Variants in CD248 observed in about 807,000 individuals in gnomAD.
CD248 encodes endosialin.
CD248 carries 7 observed loss-of-function variants against 8.0 expected under a neutral mutation model. The observed-to-expected ratio is 0.88, with a 90% CI of 0.50 to 1.64. CD248 has a LOEUF of 1.64. Ranked by LOEUF, CD248 falls within the 40% of genes most tolerant of loss-of-function variation. CD248 has a pLI of 0.00. For synonymous variants in CD248, 418 were observed against 437.1 expected (o/e 0.96, Z 0.54); for missense variants, 912 against 1,027.2 (o/e 0.89, Z 1.53).
Position 66,316,618 on chromosome 11 carries a change from C to T in CD248, c.410G>A (p.Ser137Asn), listed in dbSNP as rs1216216283. Residue 137 changes from serine to asparagine, a missense_variant, in exon 1 of 1, where the codon AGT (serine) becomes AAT (asparagine). Coordinates refer to ENST00000311330, the MANE Select transcript of CD248 (RefSeq NM_020404.3). ...GCCCTCCAGCCAGCGGTGCTCGCCA[C>T]TTGCCTCCAGGGCCACACAGCGCTG... The part of the protein sequence containing the change: ...PAQRCVALEA[S>N]GEHRWLEGSC... 2 of 1,602,718 alleles carry T rather than the reference C, an allele frequency of 1.2e-6. No homozygotes were observed. Among genetic ancestry groups the T allele is most frequent in the Non-Finnish European group, 1.7e-6 (2 of 1,178,856 alleles).
Position 66,316,411 on chromosome 11 carries a change from C to A in CD248, c.617G>T (p.Gly206Val). 1.2e-6 allele frequency: 2 copies of A among 1,606,632 alleles called. No homozygotes were observed. ...GSVAAVQCQAGRGASLLCVKQ... is the reference protein window; with the variant it reads ...GSVAAVQCQAVRGASLLCVKQ... The stretch of plus-strand genomic sequence containing the variant: ...CACGCAGAGCAGAGAGGCTCCCCTG[C>A]CAGCCTGGCACTGCACAGCGGCCAC... Residue 206 changes from glycine to valine, a missense_variant, in exon 1 of 1, where the codon GGC becomes GTC. Physicochemically the swap from Gly to Val is moderately radical, Grantham distance 109. Coordinates refer to ENST00000311330, the MANE Select transcript of CD248 (RefSeq NM_020404.3).
chr11:66,314,744 C>T lies in CD248; in HGVS notation c.*10G>A. The T allele has an allele frequency of 6.5e-7, 1 of 1,542,842 alleles. No homozygotes were observed. The highest frequency in any genetic ancestry group is 8.8e-7 in the Non-Finnish European group (1 of 1,142,006). The stretch of plus-strand genomic sequence containing the variant: ...GCGCCCCATACTCCATGAGGGGGGT[C>T]TGCACCCCATCACACGCTGGTTCTG... On this transcript the variant is annotated 3_prime_UTR_variant, in exon 1 of 1. Coordinates refer to ENST00000311330, the MANE Select transcript of CD248 (RefSeq NM_020404.3). The surrounding 1 kb of genome is among the most constrained non-coding windows in gnomAD (Gnocchi z 4.0).
In CD248 at chr11:66,316,590, C is replaced by T. The variant is rs776771691; in HGVS notation, c.438G>A (p.Ser146=). 27 of 1,601,482 alleles carry T rather than the reference C, an allele frequency of 1.7e-5. 2 individuals are homozygous for T. In the South Asian group the frequency reaches 2.3e-4, roughly 14 times the overall value. Residue 146 remains serine, a synonymous_variant, in exon 1 of 1, where the codon TCG becomes TCA. Transcript: ENST00000311330. ...GGTAGCCGTCGACAGCCAGCGTGCACGAGCCCTCCAGCCAGCGGTGCTCGC... is the reference window on the plus strand; with the variant it reads ...GGTAGCCGTCGACAGCCAGCGTGCATGAGCCCTCCAGCCAGCGGTGCTCGC... ...ASGEHRWLEG[S]CTLAVDGYLC...
In CD248 at chr11:66,316,456, T is replaced by C; in HGVS notation, c.572A>G (p.Glu191Gly). 1 of 1,601,148 alleles carries C rather than the reference T, an allele frequency of 6.2e-7. No homozygotes were observed. ...TPFHLVSTEF[E>G]WLPFGSVAAV... ...GGCCACAGAGCCGAAGGGCAGCCAC[T>C]CAAACTCTGTGGAGACCAGGTGGAA... is the stretch of plus-strand genomic sequence containing the variant. Residue 191 changes from glutamate (E) to glycine (G), a missense_variant, in exon 1 of 1, where the codon GAG (glutamate) becomes GGG (glycine). Physicochemically the swap from Glu to Gly is moderately conservative, Grantham distance 98. This residue lies in a region of CD248 where 403 missense variants were observed against 446.2 expected (regional missense o/e 0.90). Coordinates refer to ENST00000311330, the MANE Select transcript of CD248 (RefSeq NM_020404.3).
rs1217493364 is a variant in CD248 at position 66,314,550 on chromosome 11, A to C, written c.*204T>G. ...CCCAGCACCCGCCCCCTGAGGTCTT[A>C]AGGGCTTTGGTGTATCCTTGGTCAC... On this transcript the variant is annotated 3_prime_UTR_variant, in exon 1 of 1. Coordinates refer to ENST00000311330, the MANE Select transcript of CD248 (RefSeq NM_020404.3). This position sits in a 1 kb window ranked among gnomAD's most constrained non-coding sequence, Gnocchi z 4.0. The C allele has an allele frequency of 1.3e-5, 7 of 556,968 alleles. No individual in the cohort carries two copies. The Admixed American group carries it at 2.1e-4, about 17-fold the overall frequency. 34.5% of individuals were successfully genotyped at this position (556,968 alleles called of 1,614,324 possible).
In CD248 at chr11:66,316,169, C is replaced by T. The variant is rs374192163; in HGVS notation, c.859G>A (p.Gly287Ser). 1.3e-4 allele frequency: 212 copies of T among 1,612,220 alleles called. No individual in the cohort carries two copies. The highest frequency in any genetic ancestry group is 1.7e-4 in the Non-Finnish European group (198 of 1,179,958). The change falls in exon 1 of 1, where the codon GGT becomes AGT. Residue 287 changes from glycine to serine, a missense_variant. Gly to Ser is a moderately conservative substitution (Grantham distance 56). Around this residue, in one of 3 missense-constraint regions of CD248, gnomAD observed 403 missense variants for 446.2 expected, o/e 0.90. Coordinates refer to ENST00000311330, the MANE Select transcript of CD248 (RefSeq NM_020404.3). The part of the protein sequence containing the change: ...QAPCEQQCEP[G>S]GPQGYSCHCR... ...TGGCAGCTGTAGCCTTGTGGCCCACCGGGCTCACACTGCTGCTCGCACGGA... is the reference window on the plus strand; with the variant it reads ...TGGCAGCTGTAGCCTTGTGGCCCACTGGGCTCACACTGCTGCTCGCACGGA...
Position 66,315,833 on chromosome 11 carries a change from C to G in CD248, c.1195G>C (p.Glu399Gln). The G allele has an allele frequency of 6.2e-7, 1 of 1,613,998 alleles. No homozygotes were observed. The highest frequency in any genetic ancestry group is 1.3e-5 in the African/African-American group (1 of 75,014). Residue 399 changes from glutamate to glutamine, a missense_variant, in exon 1 of 1, where the codon GAG (glutamate) becomes CAG (glutamine). Transcript: ENST00000311330. The surrounding 1 kb of genome is among the most constrained non-coding windows in gnomAD (Gnocchi z 4.3). ...WTEMPGILWM[E>Q]PTQPPDFALA... is the part of the protein sequence containing the mutation. Reference sequence around the variant, plus strand: ...GCAAAGTCAGGCGGCTGCGTAGGCTCCATCCACAGGATCCCAGGCATCTCC... The same window carrying G: ...GCAAAGTCAGGCGGCTGCGTAGGCTGCATCCACAGGATCCCAGGCATCTCC...
chr11:66,315,134 G>A lies in CD248; in HGVS notation c.1894C>T (p.Pro632Ser), dbSNP rs760745191. 2 of 1,540,846 alleles carry A rather than the reference G, an allele frequency of 1.3e-6. No homozygotes were observed. Among genetic ancestry groups the A allele is most frequent in the East Asian group, 2.3e-5 (1 of 44,294 alleles). ...PSQSPTNQTS[P>S]ISPTHPHSKA... is the part of the protein sequence containing the mutation. ...GAATGGGGATGTGTAGGGCTGATGG[G>A]TGAGGTCTGGTTAGTGGGGCTCTGA... Residue 632 changes from proline (P) to serine (S), a missense_variant, in exon 1 of 1, where the codon CCC becomes TCC. Pro to Ser is a moderately conservative substitution (Grantham distance 74). Around this residue, in one of 3 missense-constraint regions of CD248, gnomAD observed 507 missense variants for 562.2 expected, o/e 0.90. Transcript: ENST00000311330. This position sits in a 1 kb window ranked among gnomAD's most constrained non-coding sequence, Gnocchi z 4.3.
rs1446104380 is a variant in CD248, at chr11:66,315,026, G to T, written c.2002C>A (p.Pro668Thr). Residue 668 changes from proline (P) to threonine (T), a missense_variant, in exon 1 of 1, where the codon CCA (proline) becomes ACA (threonine). Pro to Thr is a conservative substitution (Grantham distance 38). Around this residue, in one of 3 missense-constraint regions of CD248, gnomAD observed 507 missense variants for 562.2 expected, o/e 0.90. Coordinates refer to ENST00000311330, the MANE Select transcript of CD248 (RefSeq NM_020404.3). The surrounding 1 kb of genome is among the most constrained non-coding windows in gnomAD (Gnocchi z 4.3). ...WLPSPAPTAA[P>T]TALGEAGLAE... is the part of the protein sequence containing the mutation. ...AGACCAGCCTCCCCCAGGGCTGTTG[G>T]GGCTGCTGTGGGAGCTGGTGAGGGC... is the stretch of plus-strand genomic sequence containing the variant. 1.9e-6 allele frequency: 3 copies of T among 1,598,872 alleles called. No homozygotes were observed. The highest frequency in any genetic ancestry group is 2.6e-6 in the Non-Finnish European group (3 of 1,171,126).
Position 66,315,680 on chromosome 11 carries a change from G to A in CD248, c.1348C>T (p.Pro450Ser), listed in dbSNP as rs766529516. 8 of 1,613,540 alleles carry A rather than the reference G, an allele frequency of 5.0e-6. No homozygotes were observed. In the Admixed American group the frequency reaches 6.7e-5, roughly 13 times the overall value. The change falls in exon 1 of 1, where the codon CCT (proline) becomes TCT (serine). Residue 450 changes from proline (P) to serine (S), a missense_variant. Transcript: ENST00000311330. The surrounding 1 kb of genome is among the most constrained non-coding windows in gnomAD (Gnocchi z 4.3). ...YHSSVLSVTR[P>S]VVVSATHPTL... The stretch of plus-strand genomic sequence containing the variant: ...GGATGCGTGGCAGAGACCACCACAG[G>A]CCGGGTGACGGAGAGCACTGAGGAG...
chr11:66,314,893 C>T lies in CD248; in HGVS notation c.2135G>A (p.Arg712His), dbSNP rs967165473. 4.3e-6 allele frequency: 7 copies of T among 1,611,614 alleles called. No individual in the cohort carries two copies. The highest frequency in any genetic ancestry group is 3.3e-4 in the Middle Eastern group (2 of 6,078). ...LLALGIVYCT[R>H]CGPHAPNKRI... ...CTTGTTGGGTGCATGGGGGCCACAG[C>T]GGGTGCAGTACACGATGCCCAGTGC... The change falls in exon 1 of 1, where the codon CGC becomes CAC. Residue 712 changes from arginine (R) to histidine (H), a missense_variant. Arg to His is a conservative substitution (Grantham distance 29, BLOSUM62 0). Around this residue, in one of 3 missense-constraint regions of CD248, gnomAD observed 507 missense variants for 562.2 expected, o/e 0.90. Transcript: ENST00000311330. The surrounding 1 kb of genome is among the most constrained non-coding windows in gnomAD (Gnocchi z 4.0).
In CD248 at chr11:66,316,809, C is replaced by G; in HGVS notation, c.219G>C (p.Leu73=). 2 of 1,584,292 alleles carry G rather than the reference C, an allele frequency of 1.3e-6. No homozygotes were observed. The highest frequency in any genetic ancestry group is 8.5e-7 in the Non-Finnish European group (1 of 1,172,286). ...TPEEAQRVDS[L]VGAGPASRLL... ...GCCGGCTGGCTGGGCCCGCACCCAC[C>G]AGGCTGTCCACACGCTGGGCCTCCT... The change falls in exon 1 of 1, where the codon CTG becomes CTC. Residue 73 remains leucine, a synonymous_variant. Transcript: ENST00000311330.
In CD248 at chr11:66,316,413, A is replaced by G. The variant is rs763471623; in HGVS notation, c.615T>C (p.Ala205=). 8.7e-6 allele frequency: 14 copies of G among 1,606,358 alleles called. No individual in the cohort carries two copies. The highest frequency in any genetic ancestry group is 1.1e-5 in the Non-Finnish European group (13 of 1,179,798). The change falls in exon 1 of 1, where the codon GCT becomes GCC. Residue 205 remains alanine (A), a synonymous_variant. Transcript: ENST00000311330. The part of the protein sequence containing the change: ...FGSVAAVQCQ[A]GRGASLLCVK... ...CGCAGAGCAGAGAGGCTCCCCTGCC[A>G]GCCTGGCACTGCACAGCGGCCACAG... is the stretch of plus-strand genomic sequence containing the variant.
rs756651069 is a variant in CD248 at position 66,317,029 on chromosome 11, G to A, written c.-2C>T. 6 of 1,445,670 alleles carry A rather than the reference G, an allele frequency of 4.2e-6. No homozygotes were observed. In the East Asian group the frequency reaches 8.3e-5, roughly 20 times the overall value. The allele number at this position is 1,445,670 out of a possible 1,614,324, so 89.6% of individuals were successfully genotyped here. On this transcript the variant is annotated 5_prime_UTR_variant, in exon 1 of 1. Coordinates refer to ENST00000311330, the MANE Select transcript of CD248 (RefSeq NM_020404.3). Reference sequence around the variant, plus strand: ...GGCCAGCAACAGGCGCAGCAGCATCGCGATGCCCCCGGACTGGTCCGGCCC... The same window carrying A: ...GGCCAGCAACAGGCGCAGCAGCATCACGATGCCCCCGGACTGGTCCGGCCC...
rs1388103078 is a variant in CD248 at position 66,317,041 on chromosome 11, G to A, written c.-14C>T. On this transcript the variant is annotated 5_prime_UTR_variant, in exon 1 of 1. Coordinates refer to ENST00000311330, the MANE Select transcript of CD248 (RefSeq NM_020404.3). Reference sequence around the variant, plus strand: ...GCGCAGCAGCATCGCGATGCCCCCGGACTGGTCCGGCCCCGGGCTGGCGGC... The same window carrying A: ...GCGCAGCAGCATCGCGATGCCCCCGAACTGGTCCGGCCCCGGGCTGGCGGC... The A allele has an allele frequency of 1.7e-5, 24 of 1,399,700 alleles. 1 individual carries two copies. Among genetic ancestry groups the A allele is most frequent in the African/African-American group, 1.5e-4 (10 of 66,046 alleles). 86.7% of individuals were successfully genotyped at this position (1,399,700 alleles called of 1,614,324 possible).
rs1198897236 is a variant in CD248, at chr11:66,316,170, G to A, written c.858C>T (p.Pro286=). 3.1e-6 allele frequency: 5 copies of A among 1,612,124 alleles called. No individual in the cohort carries two copies. The highest frequency in any genetic ancestry group is 3.3e-5 in the Admixed American group (2 of 59,966). The part of the protein sequence containing the change: ...AQAPCEQQCE[P]GGPQGYSCHC... ...GGCAGCTGTAGCCTTGTGGCCCACC[G>A]GGCTCACACTGCTGCTCGCACGGAG... Residue 286 remains proline, a synonymous_variant, in exon 1 of 1, where the codon CCC becomes CCT. Coordinates refer to ENST00000311330, the MANE Select transcript of CD248 (RefSeq NM_020404.3).
rs778244010 is a variant in CD248, at chr11:66,316,734, G to T, written c.294C>A (p.Arg98=). ...TGGTCCACGTGAAGCCGCGCAGTGGGCGCTGCAGCTGGCATTGCCGGGCCT... is the reference window on the plus strand; with the variant it reads ...TGGTCCACGTGAAGCCGCGCAGTGGTCGCTGCAGCTGGCATTGCCGGGCCT... ...QRQARQCQLQ[R]PLRGFTWTTG... Residue 98 remains arginine (R), a synonymous_variant, in exon 1 of 1, where the codon CGC becomes CGA. Coordinates refer to ENST00000311330, the MANE Select transcript of CD248 (RefSeq NM_020404.3). The T allele has an allele frequency of 6.2e-7, 1 of 1,603,844 alleles. No individual in the cohort carries two copies. Among genetic ancestry groups the T allele is most frequent in the Non-Finnish European group, 8.5e-7 (1 of 1,179,420 alleles).
chr11:66,315,712 G>A lies in CD248; in HGVS notation c.1316C>T (p.Pro439Leu), dbSNP rs745603367. Reference sequence around the variant, plus strand: ...GACGGAGAGCACTGAGGAGTGGTAGGGGACCCTGGGGGCACTGAGCGGGGG... The same window carrying A: ...GACGGAGAGCACTGAGGAGTGGTAGAGGACCCTGGGGGCACTGAGCGGGGG... ...WPPPLSAPRV[P>L]YHSSVLSVTR... The change falls in exon 1 of 1, where the codon CCC (proline) becomes CTC (leucine). Residue 439 changes from proline to leucine, a missense_variant. Coordinates refer to ENST00000311330, the MANE Select transcript of CD248 (RefSeq NM_020404.3). The surrounding 1 kb of genome is among the most constrained non-coding windows in gnomAD (Gnocchi z 4.3). 8 of 1,611,808 alleles carry A rather than the reference G, an allele frequency of 5.0e-6. No homozygotes were observed. The highest frequency in any genetic ancestry group is 6.8e-6 in the Non-Finnish European group (8 of 1,178,472).
chr11:66,315,080 C>T lies in CD248; in HGVS notation c.1948G>A (p.Gly650Ser). Residue 650 changes from glycine to serine, a missense_variant, in exon 1 of 1, where the codon GGC becomes AGC. Gly to Ser is a moderately conservative substitution (Grantham distance 56, BLOSUM62 0). Around this residue, in one of 3 missense-constraint regions of CD248, gnomAD observed 507 missense variants for 562.2 expected, o/e 0.90. Transcript: ENST00000311330. The surrounding 1 kb of genome is among the most constrained non-coding windows in gnomAD (Gnocchi z 4.3). ...CACAGGGCCAACTTGGGACTGGGGC[C>T]ATCTTCCCTTGGGATTTGGGGGGCT... ...SKAPQIPREDGPSPKLALWLP... is the reference protein window; with the variant it reads ...SKAPQIPREDSPSPKLALWLP... 1 of 1,564,980 alleles carries T rather than the reference C, an allele frequency of 6.4e-7. No homozygotes were observed. Among genetic ancestry groups the T allele is most frequent in the Non-Finnish European group, 8.7e-7 (1 of 1,154,530 alleles).
Sources: gnomAD v4.1 joint callset for allele counts on GRCh38, gnomAD v4.1.1 for gene constraint, gnomAD v4.1.1 regional missense constraint, Gnocchi (gnomAD v3.1) non-coding constraint, MANE v1.5 for transcripts, NCBI Gene and HGNC (gene_info 2026-07-23, HGNC 2026-07-21) for gene names.